The following ZFHX3 variants were observed in gnomAD, a reference collection of about 807,000 sequenced individuals.
The protein encoded by ZFHX3 is zinc finger homeobox protein 3.
ZFHX3 carries 42 observed loss-of-function variants against 279.1 expected under a neutral mutation model. The ratio of observed to expected loss-of-function variants is 0.15; its 90% CI spans 0.12 to 0.19. The LOEUF is 0.19. Among genes scored for constraint, ZFHX3 ranks in the 10% least tolerant of loss-of-function variants. The pLI is 1.00. For synonymous variants in ZFHX3, 2,293 were observed against 1,957.8 expected (o/e 1.17, Z -4.52); for missense variants, 4,981 against 4,754.0 (o/e 1.05, Z -1.40).
At chr16:72,965,039 G>A (rs1961765758) in intron 1 of ZFHX3, among the ~76,000 whole-genome samples, 1 of 150,788 alleles carries the variant, frequency 6.6e-6, no homozygotes, top group Non-Finnish European at 1.5e-5. Flanking sequence ...CACCACGTCT[G>A]GCTAACTTTT....
chr16:73,562,144 C>T (rs1160861527), intron 2 of ZFHX3, among the ~76,000 whole-genome samples: 1 of 152,142 alleles, frequency 6.6e-6, no homozygotes, highest in Non-Finnish European at 1.5e-5. Context: ...GGGATTTGGG[C>T]AATGCATTTT....
chr16:73,577,070 T>G lies in ZFHX3; in HGVS notation c.-1547+103110A>C, dbSNP rs1188659989. On this transcript the variant is annotated intron_variant, in intron 2 of 17. Coordinates refer to the ZFHX3 transcript ENST00000641206. ...GAGGGTGTAGGAGCAGTCACAAAAT[T>G]TTACTGGCTCTGCTTATTTCTAGGT... 3.9e-5 allele frequency among the ~76,000 whole-genome samples: 6 copies of G among 152,248 alleles called. No individual in the cohort carries two copies. The South Asian group carries it at 1.2e-3, about 32-fold the overall frequency.
chr16:73,330,198 T>C (rs1174399538), intron 3 of ZFHX3, among the ~76,000 whole-genome samples: 2 of 151,920 alleles, frequency 1.3e-5, no homozygotes, highest in African/African-American at 4.8e-5. Context: ...CACCTACTGC[T>C]AGACAAGGGA....
intron 1 of ZFHX3, among the ~76,000 whole-genome samples, chr16:73,733,841 CAAG>C (rs1376368199): frequency 6.6e-6 from 1 of 152,066 alleles, no homozygotes. Flanking sequence ...CCCCAAAAAG[CAAG>C]AAGGATATTT....
intron 3 of ZFHX3, 59 bp downstream of exon 3, chr16:72,950,410 C>T (rs1028907069): frequency 8.2e-6 from 13 of 1,577,578 alleles, no homozygotes; most frequent in Admixed American, 6.8e-5. Flanking sequence ...CCTAACTCCC[C>T]GGTGCGCAAC....
chr16:73,496,698 C>T lies in ZFHX3; in HGVS notation c.-1546-40440G>A, dbSNP rs2019148015. On this transcript the variant is annotated intron_variant, in intron 2 of 17. Transcript: ENST00000641206. Reference sequence around the variant, plus strand: ...CTAGCCTTCTATTCTCCTCCATATTCTGTGGGGCGGGGCTTCCCAGTGCAA... The same window carrying T: ...CTAGCCTTCTATTCTCCTCCATATTTTGTGGGGCGGGGCTTCCCAGTGCAA... Among the ~76,000 whole-genome samples, 4 of 152,280 alleles carry T rather than the reference C, an allele frequency of 2.6e-5. No individual in the cohort carries two copies. The South Asian group carries it at 8.3e-4, about 32-fold the overall frequency.
intron 2 of ZFHX3, among the ~76,000 whole-genome samples, chr16:73,537,390 C>T (rs1157978123): frequency 1.6e-5 from 2 of 128,892 alleles, no homozygotes; most frequent in Non-Finnish European, 3.1e-5. Flanking sequence ...GATCTTGACT[C>T]ATTGCACCCT....
intron 1 of ZFHX3, among the ~76,000 whole-genome samples, chr16:73,682,900 A>AAGAG (rs2053030536): frequency 2.6e-4 from 9 of 34,912 alleles, no homozygotes; most frequent in African/African-American, 1.1e-3. Context: ...GAAAGAAAGA[A>AAGAG]AGAAAGAGAA....
intron 1 of ZFHX3, among the ~76,000 whole-genome samples, chr16:73,779,821 A>G (rs1959390903): frequency 1.3e-5 from 2 of 152,168 alleles, no homozygotes; most frequent in South Asian, 4.2e-4. Context: ...AGGATTTAGC[A>G]ACTCTCCTGC....
chr16:72,796,744 G>A lies in ZFHX3; in HGVS notation c.5938C>T (p.Leu1980=), dbSNP rs778913530. Reference sequence around the variant, plus strand: ...CAGGAGTCACACTCGAGCTTTTCCAGGTTCTCTCCCTGGTCAGTCTTCCCA... The same window carrying A: ...CAGGAGTCACACTCGAGCTTTTCCAAGTTCTCTCCCTGGTCAGTCTTCCCA... ...KNGKTDQGEN[L]EKLECDSCGK... Residue 1980 remains leucine (L), a synonymous_variant, in exon 9 of 10, where the codon CTG becomes TTG. Coordinates refer to ENST00000268489, the MANE Select transcript of ZFHX3 (RefSeq NM_006885.4). The A allele has an allele frequency of 3.1e-6, 5 of 1,613,666 alleles. No homozygotes were observed. Among genetic ancestry groups the A allele is most frequent in the Non-Finnish European group, 4.2e-6 (5 of 1,179,984 alleles).
At chr16:73,247,976 G>T (rs996463506) in intron 5 of ZFHX3, among the ~76,000 whole-genome samples, 2 of 151,832 alleles carry the variant, frequency 1.3e-5, no homozygotes, top group Admixed American at 1.3e-4. Flanking sequence ...GTGTGTCTAT[G>T]TGCCTGTATG....
intron 5 of ZFHX3, among the ~76,000 whole-genome samples, chr16:73,191,260 A>G (rs1317570320): frequency 6.6e-6 from 1 of 152,108 alleles, no homozygotes; most frequent in African/African-American, 2.4e-5. Flanking sequence ...TCTGGGAGGA[A>G]GTCTTGGCTC....
At chr16:73,107,134 G>T (rs1966315453) in intron 7 of ZFHX3, among the ~76,000 whole-genome samples, 1 of 151,954 alleles carries the variant, frequency 6.6e-6, no homozygotes, top group Non-Finnish European at 1.5e-5. Context: ...ATGGCGAAAT[G>T]CTGTCTCTAC....
chr16:73,723,762 T>C (rs367998845), intron 1 of ZFHX3, among the ~76,000 whole-genome samples: 3 of 152,338 alleles, frequency 2.0e-5, no homozygotes. Flanking sequence ...TGTCTTCAAA[T>C]GTAGGATAAA....
At chr16:73,214,175 T>C (rs2012115813) in intron 5 of ZFHX3, among the ~76,000 whole-genome samples, 2 of 152,192 alleles carry the variant, frequency 1.3e-5, no homozygotes, top group South Asian at 4.1e-4. Context: ...GCTTCATCTT[T>C]AACCCTTCAA....
Position 72,788,101 on chromosome 16 carries a change from T to C in ZFHX3, c.10175A>G (p.Gln3392Arg). ...TTGGCTTGCTTTGGGCTGCTGCTGC[T>C]GCACTTTTTGCTGCTGCTGCTGCTG... ...QLQQQQQQKVQQQQPKASQTP... is the reference protein window; with the variant it reads ...QLQQQQQQKVRQQQPKASQTP... The change falls in exon 10 of 10, where the codon CAG (glutamine) becomes CGG (arginine). Residue 3392 changes from glutamine to arginine, a missense_variant. This residue lies in a region of ZFHX3 where 1,034 missense variants were observed against 786.0 expected (regional missense o/e 1.32). Transcript: ENST00000268489. 6.2e-7 allele frequency: 1 copy of C among 1,608,700 alleles called. No homozygotes were observed. The highest frequency in any genetic ancestry group is 1.1e-5 in the South Asian group (1 of 90,994).
At chr16:73,152,734 G>A (rs1478211699) in intron 5 of ZFHX3, among the ~76,000 whole-genome samples, 9 of 130,960 alleles carry the variant, frequency 6.9e-5, no homozygotes, top group Non-Finnish European at 1.3e-4. Flanking sequence ...AATGAAAAGA[G>A]AGAGAGAGAA....
intron 1 of ZFHX3, among the ~76,000 whole-genome samples, chr16:73,706,456 CAAAAA>C (rs59244758): frequency 3.9e-5 from 5 of 129,744 alleles, no homozygotes; most frequent in Non-Finnish European, 3.3e-5. Context: ...AACTCTATCT[CAAAAA>C]AAAAAAAAAA....
intron 2 of ZFHX3, among the ~76,000 whole-genome samples, chr16:73,494,900 T>A (rs2019114305): frequency 6.6e-6 from 1 of 152,018 alleles, no homozygotes; most frequent in South Asian, 2.1e-4. Context: ...CCTGGGGCAC[T>A]GATACAAGTT....
Sources: allele counts gnomAD v4.1 joint callset (sites outside exome capture counted in the v4.1 genomes callset), GRCh38; gene constraint gnomAD v4.1.1; regional missense constraint gnomAD v4.1.1; transcripts MANE v1.5; gene names NCBI Gene and HGNC (gene_info 2026-07-23, HGNC 2026-07-21).